Variants in NR6A1 observed in about 807,000 individuals in gnomAD.
NR6A1 encodes the protein retinoic acid receptor-related testis-associated receptor.
Under a neutral mutation model 59.1 loss-of-function variants are expected in NR6A1, and 7 were observed. That is an observed-to-expected ratio of 0.12 (90% CI 0.07 to 0.22). NR6A1 has a LOEUF of 0.22. Among genes scored for constraint, NR6A1 ranks in the 10% least tolerant of loss-of-function variants. The probability of loss-of-function intolerance (pLI) is 1.00; values close to 1 mark genes in which losing one functional copy is unlikely to be tolerated. For synonymous variants in NR6A1, 243 were observed against 236.1 expected, an observed-to-expected ratio of 1.03 and a Z score of -0.27; for missense variants, 468 against 611.6, an observed-to-expected ratio of 0.77 and a Z score of 2.48.
At chr9:124,647,806 A>T (rs1424475353) in intron 2 of NR6A1, among the ~76,000 whole-genome samples, 2 of 152,126 alleles carry the variant, frequency 1.3e-5, no homozygotes, top group Non-Finnish European at 2.9e-5. Context: ...AGTAGCAAGA[A>T]AGAGGCAGTA....
chr9:124,579,445 G>A (rs1834698869), intron 2 of NR6A1, among the ~76,000 whole-genome samples: 1 of 152,198 alleles, frequency 6.6e-6, no homozygotes, highest in African/African-American at 2.4e-5. Context: ...CAGCTACTCA[G>A]GAGGCTGAGT....
At chr9:124,719,750 C>T (rs966323070) in intron 2 of NR6A1, among the ~76,000 whole-genome samples, 2 of 152,036 alleles carry the variant, frequency 1.3e-5, no homozygotes, top group African/African-American at 2.4e-5. Context: ...GAAACCCCAC[C>T]TCTACAAAAA....
At chr9:124,737,971 T>C (rs539535609) in intron 1 of NR6A1, among the ~76,000 whole-genome samples, 61 of 152,114 alleles carry the variant, frequency 4.0e-4, no homozygotes, top group African/African-American at 1.4e-3. Context: ...AATACAAAAA[T>C]TAGGCGGGGC....
intron 2 of NR6A1, among the ~76,000 whole-genome samples, chr9:124,634,445 C>G (rs1836540650): frequency 6.6e-6 from 1 of 152,152 alleles, no homozygotes; most frequent in Non-Finnish European, 1.5e-5. Context: ...CATTTTCTGT[C>G]TCTTGTTTCT....
intron 2 of NR6A1, among the ~76,000 whole-genome samples, chr9:124,711,954 G>T (rs1221543988): frequency 6.6e-6 from 1 of 152,146 alleles, no homozygotes. Flanking sequence ...ATGACCTAAG[G>T]GTATACAACT....
intron 2 of NR6A1, among the ~76,000 whole-genome samples, chr9:124,731,072 C>T (rs1361928241): frequency 1.3e-5 from 2 of 151,998 alleles, no homozygotes; most frequent in African/African-American, 2.4e-5. Flanking sequence ...TTCAAAAATG[C>T]TTCTAAGAAA....
At chr9:124,670,574 C>T (rs964368999) in intron 2 of NR6A1, among the ~76,000 whole-genome samples, 1 of 149,288 alleles carries the variant, frequency 6.7e-6, no homozygotes, top group Non-Finnish European at 1.5e-5. Flanking sequence ...ACAAACACAG[C>T]TTCAGCAAAA....
intron 2 of NR6A1, among the ~76,000 whole-genome samples, chr9:124,642,497 T>A (rs1836794023): frequency 6.6e-6 from 1 of 152,216 alleles, no homozygotes; most frequent in African/African-American, 2.4e-5. Flanking sequence ...TTTTTTTTAA[T>A]GGGCAACTGT....
chr9:124,614,203 G>C (rs1489455368), intron 2 of NR6A1, among the ~76,000 whole-genome samples: 1 of 152,120 alleles, frequency 6.6e-6, no homozygotes, highest in Admixed American at 6.6e-5. Context: ...TATGCAGAGA[G>C]AGCACAGCTG....
intron 1 of NR6A1, among the ~76,000 whole-genome samples, chr9:124,742,862 C>T (rs897402167): frequency 6.6e-6 from 1 of 152,034 alleles, no homozygotes; most frequent in South Asian, 2.1e-4. Flanking sequence ...GATGACAGAG[C>T]GAGACTCTGT....
At chr9:124,541,020 T>C (rs1833426582) in intron 4 of NR6A1, among the ~76,000 whole-genome samples, 1 of 151,552 alleles carries the variant, frequency 6.6e-6, no homozygotes, top group Non-Finnish European at 1.5e-5. Flanking sequence ...CCTAAAACTA[T>C]AAAACTCCTT....
intron 2 of NR6A1, among the ~76,000 whole-genome samples, chr9:124,671,188 A>G (rs1332203900): frequency 6.6e-6 from 1 of 152,226 alleles, no homozygotes; most frequent in African/African-American, 2.4e-5. Context: ...TCTGTTGCAC[A>G]ACAAAGTGAA....
intron 1 of NR6A1, among the ~76,000 whole-genome samples, chr9:124,736,983 G>C (rs1326864544): frequency 6.6e-6 from 1 of 152,230 alleles, no homozygotes; most frequent in Non-Finnish European, 1.5e-5. Flanking sequence ...TGGAAGCAAA[G>C]TGTAGATTAT....
chr9:124,604,469 T>A (rs1835524419), intron 2 of NR6A1, among the ~76,000 whole-genome samples: 1 of 152,210 alleles, frequency 6.6e-6, no homozygotes, highest in African/African-American at 2.4e-5. Flanking sequence ...TCAGCTACCC[T>A]GAAGAGGTAT....
Position 124,688,949 on chromosome 9 carries a change from T to G in NR6A1, c.142+44359A>C, listed in dbSNP as rs181993535. ...ATCAATGAAGAAGGTACTAATATTC[T>G]CATTTTATAGACTCAGGAAACTAAA... On this transcript the variant is annotated intron_variant, in intron 2 of 9. Transcript: ENST00000487099. Among the ~76,000 whole-genome samples the G allele has an allele frequency of 5.3e-3, 802 of 152,330 alleles. 5 individuals are homozygous for G. The highest frequency in any genetic ancestry group is 0.01 in the Middle Eastern group (3 of 294).
At chr9:124,712,590 A>AG (rs1297069907) in intron 2 of NR6A1, among the ~76,000 whole-genome samples, 1 of 147,314 alleles carries the variant, frequency 6.8e-6, no homozygotes. Flanking sequence ...CCTGGGCGAC[A>AG]GAACAAGACC....
chr9:124,554,718 C>G, intron 2 of NR6A1, 148 bp from the exon 3 acceptor site: 1 of 926,434 alleles, frequency 1.1e-6, no homozygotes. Context: ...ATCCTTGTCC[C>G]AAGAGTAGTC....
At chr9:124,680,582 C>A (rs552802201) in intron 2 of NR6A1, among the ~76,000 whole-genome samples, 1 of 152,230 alleles carries the variant, frequency 6.6e-6, no homozygotes, top group Admixed American at 6.5e-5. Flanking sequence ...ACTGTACAAA[C>A]GAGCCCTTAA....
chr9:124,562,423 T>G (rs1834108517), intron 2 of NR6A1, among the ~76,000 whole-genome samples: 1 of 152,078 alleles, frequency 6.6e-6, no homozygotes, highest in Non-Finnish European at 1.5e-5. Context: ...GTAAAATGTT[T>G]TTTGTTTTTT....
Sources: gnomAD v4.1 joint callset for allele counts (sites outside exome capture counted in the v4.1 genomes callset) on GRCh38, gnomAD v4.1.1 for gene constraint, MANE v1.5 for transcripts, NCBI Gene and HGNC (gene_info 2026-07-23, HGNC 2026-07-21) for gene names.